The following NBAS variants were observed in gnomAD, a reference collection of about 807,000 sequenced individuals.
The protein encoded by NBAS is NAG/BC035112 fusion.
A neutral mutation model predicts 302.5 loss-of-function variants in NBAS; 219 were observed. That is an observed-to-expected ratio of 0.72 (90% CI 0.65 to 0.81). NBAS has a LOEUF of 0.81. Ranked by LOEUF, NBAS falls within the 30% of genes least tolerant of loss-of-function variation. The pLI, the probability that NBAS is intolerant of heterozygous loss-of-function variation, is 0.00. For missense variants in NBAS, 2,932 were observed against 2,841.6 expected, an observed-to-expected ratio of 1.03 and a Z score of -0.72; for synonymous variants, 1,118 against 1,021.6, an observed-to-expected ratio of 1.09 and a Z score of -1.80.
the NBAS span, among the ~76,000 whole-genome samples, chr2:15,132,138 C>T: frequency 1.3e-5 from 2 of 152,224 alleles, no homozygotes; most frequent in African/African-American, 2.4e-5. Context: ...ATGTTTATAG[C>T]AGCTTTATTC....
At chr2:14,871,869 T>C in the NBAS span, among the ~76,000 whole-genome samples, 1 of 152,130 alleles carries the variant, frequency 6.6e-6, no homozygotes, top group East Asian at 1.9e-4. Context: ...AATAGAATGG[T>C]AGATTTAAAT....
At chr2:15,431,555 T>G (rs6719652) in intron 21 of NBAS, among the ~76,000 whole-genome samples, 78,638 of 151,984 alleles carry the variant, frequency 0.52, 23,440 homozygotes, top group Non-Finnish European at 0.67. Flanking sequence ...CTCAAAAAAC[T>G]ATATGTAGGT....
At chr2:14,944,081 C>T in the NBAS span, among the ~76,000 whole-genome samples, 2 of 152,150 alleles carry the variant, frequency 1.3e-5, no homozygotes, top group Non-Finnish European at 2.9e-5. Flanking sequence ...GGGCGGATCA[C>T]GAGGTCAGGA....
At chr2:15,226,075 G>A (rs995534566) in intron 47 of NBAS, among the ~76,000 whole-genome samples, 44 of 152,290 alleles carry the variant, frequency 2.9e-4, no homozygotes, top group Admixed American at 2.2e-3. Context: ...AATTAAGTGT[G>A]AGAAGCACTG....
At chr2:15,248,077 A>G (rs184225685) in intron 44 of NBAS, among the ~76,000 whole-genome samples, 79 of 152,330 alleles carry the variant, frequency 5.2e-4, no homozygotes, top group African/African-American at 1.8e-3. Flanking sequence ...AGCAAATGCA[A>G]AAGAATGGAA....
chr2:15,360,493 G>C (rs1046851976), intron 32 of NBAS, among the ~76,000 whole-genome samples: 2 of 151,922 alleles, frequency 1.3e-5, no homozygotes, highest in Non-Finnish European at 2.9e-5. Flanking sequence ...CTACAAGCAT[G>C]CATCACCACA....
At chr2:14,987,136 C>T in the NBAS span, among the ~76,000 whole-genome samples, 2 of 152,080 alleles carry the variant, frequency 1.3e-5, no homozygotes, top group Middle Eastern at 3.4e-3. Context: ...TCATGAAATG[C>T]TATATCTTTT....
chr2:15,276,896 C>T lies in NBAS; in HGVS notation c.5344G>A (p.Glu1782Lys). The T allele has an allele frequency of 2.5e-6, 4 of 1,614,048 alleles. No individual in the cohort carries two copies. Among genetic ancestry groups the T allele is most frequent in the Non-Finnish European group, 3.4e-6 (4 of 1,179,956 alleles). ...TTCTTCAGCAGTCGAATGTGGGTTT[C>T]TGGTTTAATGGCACAGTTCCCCAAA... The part of the protein sequence containing the change: ...ADLGNCAIKP[E>K]THIRLLKKFK... Residue 1782 changes from glutamate (E) to lysine (K), a missense_variant, in exon 43 of 52, where the codon GAA becomes AAA. Physicochemically the swap from Glu to Lys is moderately conservative, Grantham distance 56. Coordinates refer to ENST00000281513, the MANE Select transcript of NBAS (RefSeq NM_015909.4).
intron 48 of NBAS, among the ~76,000 whole-genome samples, chr2:15,209,718 A>G (rs1666318821): frequency 6.6e-6 from 1 of 152,200 alleles, no homozygotes; most frequent in Non-Finnish European, 1.5e-5. Flanking sequence ...ACCTGACTTC[A>G]TATTATACTA....
At chr2:15,430,989 T>A (rs1404308579) in intron 21 of NBAS, among the ~76,000 whole-genome samples, 1 of 151,780 alleles carries the variant, frequency 6.6e-6, no homozygotes, top group Non-Finnish European at 1.5e-5. Flanking sequence ...TTTTTTTTTT[T>A]AGAGAGACAG....
At chr2:14,988,570 A>T in the NBAS span, among the ~76,000 whole-genome samples, 1 of 152,318 alleles carries the variant, frequency 6.6e-6, no homozygotes, top group Admixed American at 6.5e-5. Flanking sequence ...CAACCAAGAA[A>T]ATTATAAGAA....
Position 15,461,356 on chromosome 2 carries a change from G to A in NBAS, c.2203-19C>T, listed in dbSNP as rs1452395625. ...TACTTTCCTGTACAAAAGGCAAGGG[G>A]TAAGTTTCTAATGTAAATCTAAGAA... On this transcript the variant is annotated intron_variant, in intron 20 of 51. Coordinates refer to ENST00000281513, the MANE Select transcript of NBAS (RefSeq NM_015909.4). 1 of 1,608,404 alleles carries A rather than the reference G, an allele frequency of 6.2e-7. No homozygotes were observed. Among genetic ancestry groups the A allele is most frequent in the Non-Finnish European group, 8.5e-7 (1 of 1,175,014 alleles).
chr2:15,077,641 G>A, the NBAS span, among the ~76,000 whole-genome samples: 1 of 152,006 alleles, frequency 6.6e-6, no homozygotes, highest in Admixed American at 6.6e-5. Context: ...TTTAGGATGG[G>A]AAGGGAAACC....
At chr2:15,480,878 C>T (rs1172639952) in intron 12 of NBAS, among the ~76,000 whole-genome samples, 2 of 152,096 alleles carry the variant, frequency 1.3e-5, no homozygotes, top group Admixed American at 6.6e-5. Flanking sequence ...TTCAGGGGCA[C>T]TTAGTGCATT....
intron 47 of NBAS, among the ~76,000 whole-genome samples, chr2:15,221,858 T>A (rs1019535129): frequency 3.3e-5 from 5 of 152,196 alleles, no homozygotes; most frequent in Admixed American, 1.3e-4. Flanking sequence ...ACCAAGAGAC[T>A]GAATACAAGG....
rs1668717799 is a variant in NBAS, at chr2:15,258,745, T to C, written c.5724+16739A>G. On this transcript the variant is annotated intron_variant, in intron 44 of 51. Coordinates refer to ENST00000281513, the MANE Select transcript of NBAS (RefSeq NM_015909.4). Reference sequence around the variant, plus strand: ...TACGTGCACAGCTGAACATAGACCCTTATCAGGAGTTTTTGATTTTGCCCT... The same window carrying C: ...TACGTGCACAGCTGAACATAGACCCCTATCAGGAGTTTTTGATTTTGCCCT... Among the ~76,000 whole-genome samples the C allele has an allele frequency of 3.9e-5, 6 of 152,306 alleles. No homozygotes were observed. The South Asian group carries it at 1.2e-3, about 32-fold the overall frequency.
the NBAS span, among the ~76,000 whole-genome samples, chr2:15,159,803 GCA>G: frequency 0.18 from 26,791 of 146,914 alleles, 3,169 homozygotes; most frequent in East Asian, 0.35. Flanking sequence ...ACACACGCGT[GCA>G]CACACACACA....
chr2:14,851,104 A>G, the NBAS span, among the ~76,000 whole-genome samples: 4 of 130,172 alleles, frequency 3.1e-5, no homozygotes, highest in Non-Finnish European at 6.1e-5. Flanking sequence ...GGAAATAGAG[A>G]CACAAAAAAC....
At chr2:14,954,701 T>A in the NBAS span, among the ~76,000 whole-genome samples, 233 of 152,056 alleles carry the variant, frequency 1.5e-3, no homozygotes, top group African/African-American at 4.8e-3. Context: ...AGAGAGAAGG[T>A]GTGTCAAGCA....
Sources: allele counts gnomAD v4.1 joint callset (sites outside exome capture counted in the v4.1 genomes callset), GRCh38; gene constraint gnomAD v4.1.1; transcripts MANE v1.5; gene names NCBI Gene and HGNC (gene_info 2026-07-23, HGNC 2026-07-21).